Variants in PRDM16 observed in about 807,000 individuals in gnomAD.
PRDM16 encodes PR/SET domain 16, also known as histone-lysine N-methyltransferase PRDM16.
PRDM16 carries 23 observed loss-of-function variants against 110.6 expected under a neutral mutation model. That is an observed-to-expected ratio of 0.21 (90% CI 0.15 to 0.29). PRDM16 has a LOEUF of 0.29. PRDM16 is among the 10% of genes least tolerant of loss of function. The pLI is 1.00. For synonymous variants in PRDM16, 799 were observed against 781.8 expected (o/e 1.02, Z -0.37); for missense variants, 1,615 against 1,794.3 (o/e 0.90, Z 1.81).
intron 14 of PRDM16, among the ~76,000 whole-genome samples, chr1:3,428,637 A>T (rs1248706074): frequency 6.6e-6 from 1 of 152,168 alleles, no homozygotes; most frequent in Non-Finnish European, 1.5e-5. Context: ...GGGTGGCGGG[A>T]ACGTTCCCTG....
chr1:3,266,671 TTTTA>T (rs1446802009), intron 3 of PRDM16, among the ~76,000 whole-genome samples: 2 of 152,092 alleles, frequency 1.3e-5, no homozygotes, highest in Non-Finnish European at 2.9e-5. Context: ...TGCATTTTAT[TTTTA>T]TTTATTTATT....
rs771536945 is a variant in PRDM16, at chr1:3,339,964, C to T, written c.439-45188C>T. On this transcript the variant is annotated intron_variant, in intron 3 of 16. Transcript: ENST00000270722. The surrounding 1 kb of genome is among the most constrained non-coding windows in gnomAD (Gnocchi z 5.0). ...TGGGGGGAACAGGTGTGCCATCCCC[C>T]GAGCGTGCCTCCTCCTCTCCCTGGG... Among the ~76,000 whole-genome samples the T allele has an allele frequency of 2.0e-5, 3 of 152,180 alleles. No homozygotes were observed. Among genetic ancestry groups the T allele is most frequent in the Non-Finnish European group, 2.9e-5 (2 of 68,040 alleles).
At chr1:3,274,462 T>G (rs1640536679) in intron 3 of PRDM16, among the ~76,000 whole-genome samples, 1 of 152,208 alleles carries the variant, frequency 6.6e-6, no homozygotes, top group Non-Finnish European at 1.5e-5. Context: ...TGATTACTGC[T>G]GGCATGGGCT....
rs192834716 is a variant in PRDM16, at chr1:3,422,622, G to A, written c.2940-2959G>A. 2.0e-5 allele frequency among the ~76,000 whole-genome samples: 3 copies of A among 152,366 alleles called. 1 individual carries two copies. The East Asian group carries it at 5.8e-4, about 29-fold the overall frequency. On this transcript the variant is annotated intron_variant, in intron 12 of 16. Transcript: ENST00000270722. ...AGTCTAAGGATGTGTCAGGGTGGGGGATGTGAGAAAATGCATTGGAGGGTG... is the reference window on the plus strand; with the variant it reads ...AGTCTAAGGATGTGTCAGGGTGGGGAATGTGAGAAAATGCATTGGAGGGTG...
chr1:3,399,975 G>A (rs56042259), intron 5 of PRDM16, among the ~76,000 whole-genome samples: 13,384 of 152,228 alleles, frequency 0.088, 795 homozygotes, highest in Non-Finnish European at 0.14. Context: ...AATGGTCTTG[G>A]TGCTCAGATC....
intron 3 of PRDM16, among the ~76,000 whole-genome samples, chr1:3,331,710 C>T (rs541433781): frequency 2.0e-5 from 3 of 152,356 alleles, no homozygotes; most frequent in East Asian, 1.9e-4. Context: ...CCTTCCTCCC[C>T]GTTGCCTGGC....
Position 3,143,080 on chromosome 1 carries a change from T to A in PRDM16, c.38-43045T>A, listed in dbSNP as rs1569672437. Reference sequence around the variant, plus strand: ...GAGAATTCGTACCCGCGGGCACCCATGGAAGCCTGAGCTCTGTCTTTTCAG... The same window carrying A: ...GAGAATTCGTACCCGCGGGCACCCAAGGAAGCCTGAGCTCTGTCTTTTCAG... On this transcript the variant is annotated intron_variant, in intron 1 of 16. Transcript: ENST00000270722. The surrounding 1 kb of genome is among the most constrained non-coding windows in gnomAD (Gnocchi z 4.5). Among the ~76,000 whole-genome samples, 1 of 152,218 alleles carries A rather than the reference T, an allele frequency of 6.6e-6. No individual in the cohort carries two copies. The highest frequency in any genetic ancestry group is 1.5e-5 in the Non-Finnish European group (1 of 68,030).
At chr1:3,317,382 C>T (rs991887131) in intron 3 of PRDM16, among the ~76,000 whole-genome samples, 2 of 152,220 alleles carry the variant, frequency 1.3e-5, no homozygotes, top group African/African-American at 2.4e-5. Context: ...GACGGACTAA[C>T]GAGTATGCCT....
chr1:3,206,914 AG>A lies in PRDM16; in HGVS notation c.387+20442del, dbSNP rs1638764988. On this transcript the variant is annotated intron_variant, in intron 2 of 16. Coordinates refer to ENST00000270722, the MANE Select transcript of PRDM16 (RefSeq NM_022114.4). The surrounding 1 kb of genome is among the most constrained non-coding windows in gnomAD (Gnocchi z 4.9). ...TGAAAGGAGGAGGGGCGGTCGGCCCAGGAAGCAGGGCGGGCAGACGGCGACC... is the reference window on the plus strand; with the variant it reads ...TGAAAGGAGGAGGGGCGGTCGGCCCAGAAGCAGGGCGGGCAGACGGCGACC... 6.6e-6 allele frequency: 1 copy of A among 152,558 alleles called. No individual in the cohort carries two copies. Among genetic ancestry groups the A allele is most frequent in the Non-Finnish European group, 1.5e-5 (1 of 68,298 alleles). 9.5% of individuals were successfully genotyped at this position (152,558 alleles called of 1,614,324 possible).
In PRDM16 at chr1:3,143,474, G is replaced by GTAT. The variant is rs1643590717; in HGVS notation, c.38-42641_38-42639dup. Among the ~76,000 whole-genome samples the GTAT allele has an allele frequency of 6.6e-6, 1 of 152,048 alleles. No homozygotes were observed. Among genetic ancestry groups the GTAT allele is most frequent in the Admixed American group, 6.6e-5 (1 of 15,262 alleles). On this transcript the variant is annotated intron_variant, in intron 1 of 16. Transcript: ENST00000270722. This position sits in a 1 kb window ranked among gnomAD's most constrained non-coding sequence, Gnocchi z 4.5. ...AATGACATTTGAAACTTTATTATTA[G>GTAT]TATTATTATTATCATTTTTGTGAGA...
intron 3 of PRDM16, among the ~76,000 whole-genome samples, chr1:3,360,596 C>A (rs992251727): frequency 6.6e-6 from 1 of 152,164 alleles, no homozygotes; most frequent in Non-Finnish European, 1.5e-5. Flanking sequence ...CAGAGACCCC[C>A]GCTCACAGCA....
chr1:3,409,881 TTGTG>T (rs1643649001), intron 8 of PRDM16, among the ~76,000 whole-genome samples: 2 of 84,116 alleles, frequency 2.4e-5, no homozygotes, highest in African/African-American at 1.4e-4. Context: ...ATGTGTGTGG[TTGTG>T]TGCATGTGTG....
chr1:3,384,843 G>A (rs562334539), intron 3 of PRDM16, among the ~76,000 whole-genome samples: 4 of 152,188 alleles, frequency 2.6e-5, no homozygotes, highest in Admixed American at 6.5e-5. Context: ...GCTTTGCTGC[G>A]GGGGTGGGGG....
rs1046039881 is a variant in PRDM16 at position 3,236,769 on chromosome 1, T to G, written c.388-7318T>G. ...CTGCTGTCAAATTCGGGAGGCTACT[T>G]TACCTCTCTGAGCCCCTTCCTCTTC... is the stretch of plus-strand genomic sequence containing the variant. On this transcript the variant is annotated intron_variant, in intron 2 of 16. Coordinates refer to ENST00000270722, the MANE Select transcript of PRDM16 (RefSeq NM_022114.4). 2.0e-5 allele frequency among the ~76,000 whole-genome samples: 3 copies of G among 152,200 alleles called. No individual in the cohort carries two copies. The South Asian group carries it at 6.2e-4, about 31-fold the overall frequency.
At position 3,143,892 on chromosome 1, in the gene PRDM16, G is replaced by A. The variant is rs1022203576; in HGVS notation, c.38-42233G>A. Among the ~76,000 whole-genome samples, 6 of 152,338 alleles carry A rather than the reference G, an allele frequency of 3.9e-5. No individual in the cohort carries two copies. In the East Asian group the frequency reaches 1.2e-3, roughly 29 times the overall value. Reference sequence around the variant, plus strand: ...TGGATGGAGGAGGAGGGACTGGCAAGCTTGGGGTTCCTGGGGCATCTTGTC... The same window carrying A: ...TGGATGGAGGAGGAGGGACTGGCAAACTTGGGGTTCCTGGGGCATCTTGTC... On this transcript the variant is annotated intron_variant, in intron 1 of 16. Transcript: ENST00000270722. The surrounding 1 kb of genome is among the most constrained non-coding windows in gnomAD (Gnocchi z 4.5).
intron 1 of PRDM16, among the ~76,000 whole-genome samples, chr1:3,144,353 C>T (rs965429933): frequency 6.6e-6 from 1 of 152,212 alleles, no homozygotes; most frequent in Admixed American, 6.5e-5. Context: ...AAAGGCTCCT[C>T]CCCATCCCAG....
At chr1:3,368,225 G>A (rs1642849683) in intron 3 of PRDM16, among the ~76,000 whole-genome samples, 2 of 152,224 alleles carry the variant, frequency 1.3e-5, no homozygotes, top group Admixed American at 6.5e-5. Context: ...TCATTAGGAG[G>A]CAGTCCCGAC....
intron 2 of PRDM16, among the ~76,000 whole-genome samples, chr1:3,240,057 AGAGGAGAG>A (rs1357921797): frequency 4.1e-4 from 2 of 4,838 alleles, no homozygotes; most frequent in Non-Finnish European, 6.0e-4. Flanking sequence ...GGAGAGGAGA[AGAGGAGAG>A]GAGAGGAGAG....
chr1:3,253,689 G>T (rs2100227528), intron 3 of PRDM16, among the ~76,000 whole-genome samples: 1 of 152,064 alleles, frequency 6.6e-6, no homozygotes, highest in South Asian at 2.1e-4. Flanking sequence ...GTGTCTTTAT[G>T]GTAGCATGAT....
Sources: allele counts gnomAD v4.1 joint callset (sites outside exome capture counted in the v4.1 genomes callset), GRCh38; gene constraint gnomAD v4.1.1; non-coding constraint Gnocchi (gnomAD v3.1); transcripts MANE v1.5; gene names NCBI Gene and HGNC (gene_info 2026-07-23, HGNC 2026-07-21).